The following PPP1CB variants were observed in gnomAD, a reference collection of about 807,000 sequenced individuals.
PPP1CB encodes serine/threonine-protein phosphatase PP1-beta catalytic subunit.
PPP1CB carries 2 observed loss-of-function variants against 43.7 expected under a neutral mutation model. The ratio of observed to expected loss-of-function variants is 0.05; its 90% confidence interval spans 0.02 to 0.14. The LOEUF (loss-of-function observed/expected upper bound fraction) is 0.14. PPP1CB is among the 10% of genes least tolerant of loss of function. PPP1CB has a pLI of 1.00. For synonymous variants in PPP1CB, 136 were observed against 135.6 expected (o/e 1.00, Z -0.02); for missense variants, 84 against 398.0 (o/e 0.21, Z 6.71).
Position 28,751,867 on chromosome 2 carries a change from C to T in PPP1CB, c.-258C>T, listed in dbSNP as rs767240842. ...GGTGCCGAGGAGGAGGAGGTGGCGG[C>T]CTGGGTCTGACGCGGCCCTGTTCGA... is the stretch of plus-strand genomic sequence containing the variant. On this transcript the variant is annotated 5_prime_UTR_variant, in exon 1 of 8. Coordinates refer to ENST00000395366, the MANE Select transcript of PPP1CB (RefSeq NM_002709.3). 1 of 549,570 alleles carries T rather than the reference C, an allele frequency of 1.8e-6. No individual in the cohort carries two copies. Among genetic ancestry groups the T allele is most frequent in the Non-Finnish European group, 3.3e-6 (1 of 302,856 alleles). The allele number at this position is 549,570 out of a possible 1,614,324, so 34.0% of individuals were successfully genotyped here.
At chr2:28,756,794 G>T (rs1666498819) in intron 1 of PPP1CB, among the ~76,000 whole-genome samples, 1 of 82,600 alleles carries the variant, frequency 1.2e-5, no homozygotes, top group African/African-American at 4.6e-5. Flanking sequence ...AGCCTGTAGT[G>T]TCCTTTTGAA....
chr2:28,759,969 T>C (rs1251005303), intron 1 of PPP1CB, among the ~76,000 whole-genome samples: 1 of 152,018 alleles, frequency 6.6e-6, no homozygotes, highest in East Asian at 1.9e-4. Flanking sequence ...CTCAGGCATG[T>C]CCTTCAGGTG....
At chr2:28,785,588 G>A (rs1188161594) in intron 5 of PPP1CB, among the ~76,000 whole-genome samples, 2 of 151,984 alleles carry the variant, frequency 1.3e-5, no homozygotes, top group South Asian at 4.1e-4. Flanking sequence ...AAGGCAGGAA[G>A]ATCACTTGAG....
intron 6 of PPP1CB, 77 bp downstream of exon 6, chr2:28,788,886 C>T (rs1278954937): frequency 1.5e-6 from 2 of 1,363,610 alleles, no homozygotes; most frequent in African/African-American, 2.9e-5. Context: ...CAGACAGATT[C>T]TTGTTCTGTC....
chr2:28,761,361 A>G (rs776860977), intron 1 of PPP1CB, among the ~76,000 whole-genome samples: 1 of 152,230 alleles, frequency 6.6e-6, no homozygotes, highest in Non-Finnish European at 1.5e-5. Flanking sequence ...TGTTTACTCA[A>G]ATATTAATAA....
chr2:28,775,717 G>A (rs1667024116), intron 1 of PPP1CB, among the ~76,000 whole-genome samples: 2 of 152,086 alleles, frequency 1.3e-5, no homozygotes, highest in Non-Finnish European at 2.9e-5. Context: ...AAGATTAAAT[G>A]AGAGCTCAGC....
At chr2:28,791,948 G>C (rs1303987421) in intron 6 of PPP1CB, among the ~76,000 whole-genome samples, 1 of 152,040 alleles carries the variant, frequency 6.6e-6, no homozygotes, top group Non-Finnish European at 1.5e-5. Context: ...TTGAAAGAAT[G>C]AACAAGTAAG....
chr2:28,752,789 G>T (rs939169735), intron 1 of PPP1CB, among the ~76,000 whole-genome samples: 1 of 152,218 alleles, frequency 6.6e-6, no homozygotes, highest in African/African-American at 2.4e-5. Flanking sequence ...TAAAAAAATT[G>T]TAAGACAAGA....
At chr2:28,768,252 T>C (rs1666826353) in intron 1 of PPP1CB, among the ~76,000 whole-genome samples, 1 of 152,104 alleles carries the variant, frequency 6.6e-6, no homozygotes, top group Admixed American at 6.5e-5. Flanking sequence ...GTTTGTGGCA[T>C]AGGGGAAATA....
At chr2:28,753,003 T>C (rs1666367321) in intron 1 of PPP1CB, among the ~76,000 whole-genome samples, 1 of 152,230 alleles carries the variant, frequency 6.6e-6, no homozygotes, top group African/African-American at 2.4e-5. Flanking sequence ...AGTGTTCTTA[T>C]TGAATAGTTT....
At chr2:28,758,925 A>G (rs1323110798) in intron 1 of PPP1CB, among the ~76,000 whole-genome samples, 2 of 152,228 alleles carry the variant, frequency 1.3e-5, no homozygotes, top group Non-Finnish European at 1.5e-5. Flanking sequence ...ATTTCACCAT[A>G]AAGGAATTTT....
At chr2:28,768,551 G>C (rs199730176) in intron 1 of PPP1CB, among the ~76,000 whole-genome samples, 1 of 152,166 alleles carries the variant, frequency 6.6e-6, no homozygotes, top group Non-Finnish European at 1.5e-5. Context: ...TGCCAAGTTA[G>C]AGGGGCCTTA....
intron 1 of PPP1CB, among the ~76,000 whole-genome samples, chr2:28,769,344 C>T (rs956678351): frequency 6.6e-6 from 1 of 152,204 alleles, no homozygotes; most frequent in Admixed American, 6.5e-5. Flanking sequence ...TCAAGCGATT[C>T]TCCTGCTTCA....
rs1010761601 is a variant in PPP1CB, at chr2:28,769,984, A to G, written c.53-6867A>G. Among the ~76,000 whole-genome samples the G allele has an allele frequency of 2.0e-5, 3 of 152,080 alleles. No individual in the cohort carries two copies. The East Asian group carries it at 5.8e-4, about 29-fold the overall frequency. ...TATATTAAATGTAAAAGGAGCAAAT[A>G]TTGGCTGGGCACCGTGGCTCACACC... On this transcript the variant is annotated intron_variant, in intron 1 of 7. Coordinates refer to ENST00000395366, the MANE Select transcript of PPP1CB (RefSeq NM_002709.3).
chr2:28,778,737 T>C (rs546415789), intron 2 of PPP1CB, 72 bp from the exon 3 acceptor site: 60 of 946,330 alleles, frequency 6.3e-5, no homozygotes, highest in Non-Finnish European at 9.1e-5. Flanking sequence ...GATGTGAACA[T>C]TGGGAATCAT....
At chr2:28,765,819 C>T (rs1325822824) in intron 1 of PPP1CB, among the ~76,000 whole-genome samples, 1 of 152,156 alleles carries the variant, frequency 6.6e-6, no homozygotes, top group Admixed American at 6.5e-5. Context: ...GAGGCTGAGG[C>T]AGGAGAATGT....
chr2:28,796,450 T>C (rs1667498950), intron 7 of PPP1CB, among the ~76,000 whole-genome samples: 1 of 152,204 alleles, frequency 6.6e-6, no homozygotes, highest in African/African-American at 2.4e-5. Context: ...TTTGTTTGCA[T>C]CACCTCTGAT....
At chr2:28,779,122 CAG>C (rs1440126003) in intron 3 of PPP1CB, 83 bp downstream of exon 3, 5 of 1,082,174 alleles carry the variant, frequency 4.6e-6, no homozygotes, top group Non-Finnish European at 1.3e-6. Flanking sequence ...TGCTTTGATT[CAG>C]AGTTTTTTCA....
intron 7 of PPP1CB, 112 bp downstream of exon 7, chr2:28,794,109 T>A (rs971442896): frequency 1.3e-5 from 11 of 836,018 alleles, no homozygotes; most frequent in African/African-American, 1.2e-4. Context: ...TCTGTTTAAT[T>A]CAGAAGTGAT....
Sources: allele counts gnomAD v4.1 joint callset (sites outside exome capture counted in the v4.1 genomes callset), GRCh38; gene constraint gnomAD v4.1.1; transcripts MANE v1.5; gene names NCBI Gene and HGNC (gene_info 2026-07-23, HGNC 2026-07-21).